The following CAP2 variants were observed in gnomAD, a reference collection of about 807,000 sequenced individuals.
CAP2 encodes the protein cyclase associated actin cytoskeleton regulatory protein 2.
CAP2 carries 24 observed loss-of-function variants against 57.7 expected under a neutral mutation model. That is an observed-to-expected ratio of 0.42 (90% confidence interval 0.30 to 0.58). CAP2 has a LOEUF of 0.58. Ranked by LOEUF, CAP2 falls within the 20% of genes least tolerant of loss-of-function variation. The pLI is 0.22. For synonymous variants in CAP2, 194 were observed against 207.2 expected (o/e 0.94, Z 0.55); for missense variants, 501 against 590.3 (o/e 0.85, Z 1.57).
chr6:17,552,524 C>T (rs1455212818), intron 12 of CAP2, among the ~76,000 whole-genome samples: 10 of 152,102 alleles, frequency 6.6e-5, no homozygotes, highest in East Asian at 1.9e-4. Context: ...CCCAGCTACT[C>T]GGGAGGCTGA....
intron 4 of CAP2, among the ~76,000 whole-genome samples, chr6:17,472,333 CAA>C (rs752046741): frequency 4.9e-5 from 5 of 102,406 alleles, no homozygotes; most frequent in Admixed American, 1.1e-4. Flanking sequence ...GACTCCGTCT[CAA>C]AAAAAAAAAA....
Position 17,426,565 on chromosome 6 carries a change from A to AT in CAP2, c.122-24dup, listed in dbSNP as rs747010692. ...CAGGTTTTCATTCAACGGCCAGGGA[A>AT]TAACAAACTGCTCCTTTCCCCAAGG... On this transcript the variant is annotated intron_variant, in intron 2 of 12. Transcript: ENST00000229922. The AT allele has an allele frequency of 9.6e-6, 15 of 1,560,798 alleles. No homozygotes were observed. In the African/African-American group the frequency reaches 1.6e-4, roughly 17 times the overall value.
intron 4 of CAP2, among the ~76,000 whole-genome samples, chr6:17,488,649 G>T (rs1003552934): frequency 6.6e-6 from 1 of 152,158 alleles, no homozygotes; most frequent in Non-Finnish European, 1.5e-5. Context: ...GCTGAAAAAT[G>T]AGGATAATAA....
intron 3 of CAP2, among the ~76,000 whole-genome samples, chr6:17,437,964 G>C (rs73369416): frequency 0.014 from 2,058 of 152,290 alleles, 55 homozygotes; most frequent in African/African-American, 0.047. Context: ...GAAAGTCATT[G>C]GTTTATTATT....
At position 17,512,118 on chromosome 6, in the gene CAP2, G is replaced by A. The variant is rs2113665313; in HGVS notation, c.531-1731G>A. Among the ~76,000 whole-genome samples the A allele has an allele frequency of 3.3e-5, 5 of 152,182 alleles. 1 individual carries two copies. The East Asian group carries it at 9.7e-4, about 29-fold the overall frequency. ...ATGGAAAATATACTGAATCAGACAT[G>A]GTGGCTCATGCCTGTAATCCCAGCT... On this transcript the variant is annotated intron_variant, in intron 6 of 12. Coordinates refer to ENST00000229922, the MANE Select transcript of CAP2 (RefSeq NM_006366.3).
intron 3 of CAP2, among the ~76,000 whole-genome samples, chr6:17,455,090 C>T (rs1395185817): frequency 6.6e-6 from 1 of 152,070 alleles, no homozygotes; most frequent in Non-Finnish European, 1.5e-5. Context: ...TTAACTGTCT[C>T]GCTAAAATAA....
intron 7 of CAP2, among the ~76,000 whole-genome samples, chr6:17,519,163 C>T (rs1762334850): frequency 6.6e-6 from 1 of 152,120 alleles, no homozygotes; most frequent in African/African-American, 2.4e-5. Flanking sequence ...GCACGTGGCT[C>T]TACAAAATCA....
At chr6:17,553,069 T>C (rs1763207397) in intron 12 of CAP2, among the ~76,000 whole-genome samples, 2 of 152,120 alleles carry the variant, frequency 1.3e-5, no homozygotes, top group Non-Finnish European at 2.9e-5. Flanking sequence ...GCCAACAGCT[T>C]CAGAGTAGGA....
chr6:17,400,944 G>T (rs574601925), intron 1 of CAP2, among the ~76,000 whole-genome samples: 11 of 152,104 alleles, frequency 7.2e-5, no homozygotes, highest in Admixed American at 5.9e-4. Flanking sequence ...AGTTAAATTG[G>T]ACCACACTAA....
At chr6:17,451,958 A>G (rs574456320) in intron 3 of CAP2, among the ~76,000 whole-genome samples, 1 of 152,388 alleles carries the variant, frequency 6.6e-6, no homozygotes, top group East Asian at 1.9e-4. Flanking sequence ...AAAACCATTC[A>G]GAATCCCACT....
In CAP2 at chr6:17,481,083, A is replaced by G. The variant is rs1304361497; in HGVS notation, c.300+18010A>G. Among the ~76,000 whole-genome samples, 7 of 148,876 alleles carry G rather than the reference A, an allele frequency of 4.7e-5. No homozygotes were observed. The South Asian group carries it at 1.5e-3, about 32-fold the overall frequency. On this transcript the variant is annotated intron_variant, in intron 4 of 12. Transcript: ENST00000229922. ...TGGGATTACAGGTGTGAGCCACTGCACCCAGCATAAATATGTATGTTTTTT... is the reference window on the plus strand; with the variant it reads ...TGGGATTACAGGTGTGAGCCACTGCGCCCAGCATAAATATGTATGTTTTTT...
At chr6:17,465,341 C>T (rs924700209) in intron 4 of CAP2, among the ~76,000 whole-genome samples, 6 of 152,104 alleles carry the variant, frequency 3.9e-5, no homozygotes, top group African/African-American at 1.4e-4. Context: ...AGGCATGAAC[C>T]GCTGTGCCTG....
At position 17,540,974 on chromosome 6, in the gene CAP2, G is replaced by A. The variant is rs138426125; in HGVS notation, c.828G>A (p.Gly276=). 1.2e-5 allele frequency: 20 copies of A among 1,613,360 alleles called. No homozygotes were observed. In the African/African-American group the frequency reaches 2.5e-4, roughly 20 times the overall value. ...TGTCCATGTGTGTTGTCCTCCTAGG[G>A]CTCCGCCATGTCACAGATGACCAGA... ...QLNQGEAITK[G]LRHVTDDQKT... The change falls in exon 9 of 13, where the codon GGG becomes GGA. Residue 276 remains glycine, a splice_region_variant and synonymous_variant. Transcript: ENST00000229922.
chr6:17,547,789 T>A (rs1421586791), intron 11 of CAP2, among the ~76,000 whole-genome samples: 1 of 147,358 alleles, frequency 6.8e-6, no homozygotes, highest in East Asian at 2.0e-4. Context: ...TGCAGTGAGC[T>A]GAGATCGCGC....
At chr6:17,486,671 C>T (rs981865982) in intron 4 of CAP2, among the ~76,000 whole-genome samples, 1 of 152,070 alleles carries the variant, frequency 6.6e-6, no homozygotes, top group South Asian at 2.1e-4. Context: ...ATAAGACAAT[C>T]GAGATTATTC....
chr6:17,507,827 C>G (rs777027441), intron 6 of CAP2, 101 bp downstream of exon 6: 8 of 712,962 alleles, frequency 1.1e-5, no homozygotes, highest in Non-Finnish European at 1.8e-5. Flanking sequence ...TTCCAAGGCT[C>G]TACACTAATG....
chr6:17,401,684 A>G (rs1338101034), intron 1 of CAP2, among the ~76,000 whole-genome samples: 1 of 152,244 alleles, frequency 6.6e-6, no homozygotes, highest in Non-Finnish European at 1.5e-5. Context: ...AGAGATTTTC[A>G]GGGTACAATG....
intron 7 of CAP2, 131 bp from the exon 8 acceptor site, chr6:17,539,138 G>T: frequency 1.3e-6 from 1 of 764,564 alleles, no homozygotes; most frequent in South Asian, 1.8e-5. Context: ...GCACAGGTGT[G>T]CCCTCTGGGA....
chr6:17,419,173 C>A (rs1228700450), intron 1 of CAP2, among the ~76,000 whole-genome samples: 1 of 152,140 alleles, frequency 6.6e-6, no homozygotes, highest in East Asian at 1.9e-4. Flanking sequence ...GGCAGTGGCA[C>A]GTCATCACTG....
Sources: allele counts gnomAD v4.1 joint callset (sites outside exome capture counted in the v4.1 genomes callset), GRCh38; gene constraint gnomAD v4.1.1; transcripts MANE v1.5; gene names NCBI Gene and HGNC (gene_info 2026-07-23, HGNC 2026-07-21).